The following CDC42SE2 variants were observed in gnomAD, a reference collection of about 807,000 sequenced individuals.
The protein encoded by CDC42SE2 is CDC42 small effector protein 2.
Under a neutral mutation model 11.5 loss-of-function variants are expected in CDC42SE2, and 3 were observed. The observed-to-expected ratio is 0.26, with a 90% CI of 0.12 to 0.67. CDC42SE2 has a LOEUF of 0.67. CDC42SE2 is among the 30% of genes least tolerant of loss of function. The pLI, the probability that CDC42SE2 is intolerant of heterozygous loss-of-function variation, is 0.80. For missense variants in CDC42SE2, 82 were observed against 106.8 expected (o/e 0.77, Z 1.02); for synonymous variants, 33 against 34.8 (o/e 0.95, Z 0.18).
chr5:131,312,307 G>A (rs998561348), intron 1 of CDC42SE2, among the ~76,000 whole-genome samples: 2 of 152,114 alleles, frequency 1.3e-5, no homozygotes, highest in African/African-American at 4.8e-5. Context: ...CCGTTCTCAG[G>A]TCTCCAGCTG....
At chr5:131,267,752 T>G (rs1296970509) in intron 1 of CDC42SE2, among the ~76,000 whole-genome samples, 2 of 152,132 alleles carry the variant, frequency 1.3e-5, no homozygotes, top group Non-Finnish European at 2.9e-5. Flanking sequence ...TAGGTTGCTG[T>G]TATGTTTTAA....
chr5:131,385,716 A>G (rs934467977), intron 4 of CDC42SE2, 72 bp downstream of exon 4: 2 of 846,918 alleles, frequency 2.4e-6, no homozygotes, highest in African/African-American at 1.7e-5. Context: ...GACAGGCACA[A>G]GCATTTTTAA....
chr5:131,252,371 C>T (rs904125354), intron 1 of CDC42SE2, among the ~76,000 whole-genome samples: 2 of 152,118 alleles, frequency 1.3e-5, no homozygotes, highest in East Asian at 1.9e-4. Flanking sequence ...AACTCCTTAT[C>T]GGCCAGTTGC....
intron 2 of CDC42SE2, among the ~76,000 whole-genome samples, chr5:131,258,145 C>T (rs1177684628): frequency 1.3e-5 from 2 of 152,164 alleles, no homozygotes; most frequent in African/African-American, 2.4e-5. Context: ...TGGGAACACA[C>T]CTTTAAGATG....
At chr5:131,336,967 G>A (rs1442998382) in intron 2 of CDC42SE2, among the ~76,000 whole-genome samples, 2 of 152,084 alleles carry the variant, frequency 1.3e-5, no homozygotes, top group Non-Finnish European at 2.9e-5. Flanking sequence ...TCCTCTGTCA[G>A]CTCGTCAGTC....
chr5:131,334,450 C>T (rs1758503989), intron 2 of CDC42SE2, among the ~76,000 whole-genome samples: 1 of 152,134 alleles, frequency 6.6e-6, no homozygotes, highest in African/African-American at 2.4e-5. Context: ...CTCTGCCCGG[C>T]TTTGGTATCA....
chr5:131,265,384 T>C (rs1347386247), intron 1 of CDC42SE2, among the ~76,000 whole-genome samples: 1 of 152,194 alleles, frequency 6.6e-6, no homozygotes, highest in Admixed American at 6.6e-5. Context: ...AAGGAGTTTA[T>C]GTGTTTTTGA....
At chr5:131,265,602 C>T (rs960910874) in intron 1 of CDC42SE2, among the ~76,000 whole-genome samples, 2 of 152,152 alleles carry the variant, frequency 1.3e-5, no homozygotes, top group Non-Finnish European at 1.5e-5. Context: ...TTATTGATGT[C>T]GCAAGTGGTG....
At chr5:131,264,500 C>T (rs1339760490) in intron 1 of CDC42SE2, among the ~76,000 whole-genome samples, 2 of 150,826 alleles carry the variant, frequency 1.3e-5, no homozygotes, top group African/African-American at 2.5e-5. Flanking sequence ...GACCCCCCCC[C>T]TCCCCCCAAC....
At chr5:131,322,323 C>T (rs1019863343) in intron 2 of CDC42SE2, among the ~76,000 whole-genome samples, 1 of 152,104 alleles carries the variant, frequency 6.6e-6, no homozygotes, top group African/African-American at 2.4e-5. Context: ...AACAAATTTT[C>T]ATTTCTCCCT....
chr5:131,317,264 C>T (rs192856654), intron 2 of CDC42SE2, among the ~76,000 whole-genome samples: 5 of 152,252 alleles, frequency 3.3e-5, no homozygotes, highest in Admixed American at 3.3e-4. Context: ...TTTTGTCCAA[C>T]TTTACCGTCA....
At chr5:131,319,919 C>T (rs558495397) in intron 2 of CDC42SE2, among the ~76,000 whole-genome samples, 4 of 151,690 alleles carry the variant, frequency 2.6e-5, no homozygotes, top group Admixed American at 6.6e-5. Flanking sequence ...GGCGTGGTGG[C>T]GGGTGCCTGT....
At chr5:131,259,836 T>C (rs1438540695), upstream of CDC42SE2, among the ~76,000 whole-genome samples, 2 of 152,282 alleles carry the variant, frequency 1.3e-5, no homozygotes, top group African/African-American at 4.8e-5. Context: ...GTTTGAGCCT[T>C]ATTTCTCTTA....
At chr5:131,383,798 C>T (rs1335880319) in intron 3 of CDC42SE2, among the ~76,000 whole-genome samples, 1 of 152,126 alleles carries the variant, frequency 6.6e-6, no homozygotes, top group Non-Finnish European at 1.5e-5. Flanking sequence ...AGAGTTGAGT[C>T]AAAGCTACAG....
intron 1 of CDC42SE2, among the ~76,000 whole-genome samples, chr5:131,288,372 AT>A (rs1428301950): frequency 6.6e-6 from 1 of 152,156 alleles, no homozygotes; most frequent in Non-Finnish European, 1.5e-5. Flanking sequence ...CTTAAGTGTA[AT>A]TTTTTTATCT....
rs139804758 is a variant in CDC42SE2, at chr5:131,265,393, G to A, written c.-455+1227G>A. 1.6e-3 allele frequency among the ~76,000 whole-genome samples: 248 copies of A among 152,222 alleles called. 1 individual carries two copies. The highest frequency in any genetic ancestry group is 5.7e-3 in the African/African-American group (237 of 41,516). ...TGAATAAAGGAGTTTATGTGTTTTT[G>A]AGAAGGGACTGTGGTATGGTCTTGC... On this transcript the variant is annotated intron_variant, in intron 1 of 4. Coordinates refer to ENST00000505065, the MANE Select transcript of CDC42SE2 (RefSeq NM_001375635.1).
intron 4 of CDC42SE2, among the ~76,000 whole-genome samples, chr5:131,389,256 G>A (rs974199397): frequency 1.3e-5 from 2 of 152,168 alleles, no homozygotes; most frequent in African/African-American, 4.8e-5. Flanking sequence ...CCATAAAGGG[G>A]AAGATGACGA....
intron 1 of CDC42SE2, among the ~76,000 whole-genome samples, chr5:131,285,632 CTA>C (rs1466860065): frequency 1.3e-5 from 2 of 152,118 alleles, no homozygotes; most frequent in Non-Finnish European, 2.9e-5. Flanking sequence ...GAAACAAACT[CTA>C]TTCTAGGATT....
chr5:131,373,272 A>G (rs1330771767), intron 3 of CDC42SE2, among the ~76,000 whole-genome samples: 1 of 152,182 alleles, frequency 6.6e-6, no homozygotes, highest in African/African-American at 2.4e-5. Flanking sequence ...TGAAGAGGAG[A>G]GAGAACCGTG....
Sources: gnomAD v4.1 joint callset for allele counts (sites outside exome capture counted in the v4.1 genomes callset) on GRCh38, gnomAD v4.1.1 for gene constraint, MANE v1.5 for transcripts, NCBI Gene and HGNC (gene_info 2026-07-23, HGNC 2026-07-21) for gene names.